The following NEMP2 variants were observed in gnomAD, a reference collection of about 807,000 sequenced individuals.
NEMP2 encodes nuclear envelope integral membrane protein 2.
Under a neutral mutation model 54.2 loss-of-function variants are expected in NEMP2, and 53 were observed. The ratio of observed to expected loss-of-function variants is 0.98; its 90% CI spans 0.78 to 1.23. The LOEUF is 1.23. NEMP2 is among the 50% of genes most tolerant of loss of function. The probability of loss-of-function intolerance (pLI) is 0.00; values close to 1 mark genes in which losing one functional copy is unlikely to be tolerated. For missense variants in NEMP2, 455 were observed against 511.3 expected (o/e 0.89, Z 1.06); for synonymous variants, 197 against 190.3 (o/e 1.04, Z -0.29).
the NEMP2 span, chr2:190,624,994 T>C: frequency 1.3e-5 from 2 of 152,220 alleles, no homozygotes; most frequent in Non-Finnish European, 2.9e-5. Flanking sequence ...TGAATCCTCA[T>C]TTATCGTTGG....
chr2:190,535,656 T>G (rs769567495), upstream of NEMP2, among the ~76,000 whole-genome samples: 1 of 152,168 alleles, frequency 6.6e-6, no homozygotes, highest in Non-Finnish European at 1.5e-5. Flanking sequence ...AAAGTCTGAG[T>G]AGGATGGACT....
In NEMP2 at chr2:190,510,561, G is replaced by C; in HGVS notation, c.954-24C>G. ...TCCTAAAACATGGCATGTGGTTGCA[G>C]GATTACTTCCTAATTCAATCCTTAA... On this transcript the variant is annotated intron_variant, in intron 7 of 8. Transcript: ENST00000409150. This position sits in a 1 kb window ranked among gnomAD's most constrained non-coding sequence, Gnocchi z 5.7. The C allele has an allele frequency of 6.4e-7, 1 of 1,551,008 alleles. No homozygotes were observed. Among genetic ancestry groups the C allele is most frequent in the Non-Finnish European group, 8.7e-7 (1 of 1,146,482 alleles).
chr2:190,626,289 G>C, the NEMP2 span: 16 of 152,206 alleles, frequency 1.1e-4, no homozygotes, highest in African/African-American at 3.9e-4. The surrounding 1 kb of genome is among the most constrained non-coding windows in gnomAD (Gnocchi z 4.5). Flanking sequence ...CCATAGTAGT[G>C]ACATAGAAGC....
chr2:190,553,007 A>G, the NEMP2 span, among the ~76,000 whole-genome samples: 1 of 152,220 alleles, frequency 6.6e-6, no homozygotes, highest in African/African-American at 2.4e-5. Flanking sequence ...AAACTTTGGT[A>G]CAAAGCAGTT....
chr2:190,495,730 ACATAAAGGGGGAAAGGATACTCTATT>A, the NEMP2 span, among the ~76,000 whole-genome samples: 1 of 152,126 alleles, frequency 6.6e-6, no homozygotes, highest in South Asian at 2.1e-4. This position sits in a 1 kb window ranked among gnomAD's most constrained non-coding sequence, Gnocchi z 4.7. Context: ...GCAAACAGAA[ACATAAAGGGGGAAAGGATACTCTATT>A]CAACAAATGG....
At chr2:190,626,146 A>G in the NEMP2 span, 1 of 152,154 alleles carries the variant, frequency 6.6e-6, no homozygotes, top group Non-Finnish European at 1.5e-5. The surrounding 1 kb of genome is among the most constrained non-coding windows in gnomAD (Gnocchi z 4.5). Flanking sequence ...TCTCTTTTAT[A>G]AGGGCACTAA....
At chr2:190,445,229 C>T in the NEMP2 span, among the ~76,000 whole-genome samples, 1 of 152,180 alleles carries the variant, frequency 6.6e-6, no homozygotes, top group East Asian at 1.9e-4. Flanking sequence ...GCAAAGCACT[C>T]AGAATGGAGT....
chr2:190,636,963 G>A, the NEMP2 span, among the ~76,000 whole-genome samples: 578 of 152,206 alleles, frequency 3.8e-3, 3 homozygotes, highest in African/African-American at 0.013. Context: ...CTCCCCAAAA[G>A]GGCTAGCAGT....
At chr2:190,566,488 C>G in the NEMP2 span, among the ~76,000 whole-genome samples, 1 of 151,914 alleles carries the variant, frequency 6.6e-6, no homozygotes, top group East Asian at 1.9e-4. Flanking sequence ...GGTGTGGTGG[C>G]TGAGGTGTGA....
At chr2:190,446,538 G>T in the NEMP2 span, among the ~76,000 whole-genome samples, 1 of 152,180 alleles carries the variant, frequency 6.6e-6, no homozygotes, top group African/African-American at 2.4e-5. Context: ...ACTGGGATCT[G>T]AGTTGGAAAA....
chr2:190,611,253 A>G, the NEMP2 span, among the ~76,000 whole-genome samples: 2 of 152,204 alleles, frequency 1.3e-5, no homozygotes, highest in East Asian at 3.9e-4. The surrounding 1 kb of genome is among the most constrained non-coding windows in gnomAD (Gnocchi z 5.4). Flanking sequence ...AACACATACA[A>G]ATAACATACT....
chr2:190,509,100 T>A lies in NEMP2; in HGVS notation c.*89A>T. The A allele has an allele frequency of 6.7e-7, 1 of 1,495,402 alleles. No homozygotes were observed. Among genetic ancestry groups the A allele is most frequent in the Non-Finnish European group, 8.9e-7 (1 of 1,118,124 alleles). The allele number at this position is 1,495,402 out of a possible 1,614,324, so 92.6% of individuals were successfully genotyped here. A position where few individuals can be genotyped will look rare whatever the true frequency, so the allele number is the denominator to read the frequency against. ...CCACAGCAAATGTTTTTGCCACCGT[T>A]CACTAGAACAGTTCTGCCTAACTTT... On this transcript the variant is annotated 3_prime_UTR_variant, in exon 9 of 9. Coordinates refer to ENST00000409150, the MANE Select transcript of NEMP2 (RefSeq NM_001142645.2). The surrounding 1 kb of genome is among the most constrained non-coding windows in gnomAD (Gnocchi z 6.1).
At chr2:190,561,131 G>T in the NEMP2 span, among the ~76,000 whole-genome samples, 13 of 152,264 alleles carry the variant, frequency 8.5e-5, no homozygotes, top group African/African-American at 3.1e-4. The surrounding 1 kb of genome is among the most constrained non-coding windows in gnomAD (Gnocchi z 5.4). Context: ...GCTTGATGCT[G>T]TCTGCTCCCA....
chr2:190,594,739 C>T, the NEMP2 span, among the ~76,000 whole-genome samples: 47 of 152,230 alleles, frequency 3.1e-4, no homozygotes, highest in African/African-American at 9.4e-4. This position sits in a 1 kb window ranked among gnomAD's most constrained non-coding sequence, Gnocchi z 5.6. Context: ...GGCTAATAAA[C>T]GTTTATTGAA....
the NEMP2 span, chr2:190,488,633 C>G: frequency 7.0e-7 from 1 of 1,423,448 alleles, no homozygotes; most frequent in Non-Finnish European, 9.3e-7. This position sits in a 1 kb window ranked among gnomAD's most constrained non-coding sequence, Gnocchi z 6.4. Context: ...CCAACTAATC[C>G]CTCCTGCTCT....
At chr2:190,496,658 ATG>A in the NEMP2 span, among the ~76,000 whole-genome samples, 3 of 151,794 alleles carry the variant, frequency 2.0e-5, no homozygotes, top group Non-Finnish European at 2.9e-5. This position sits in a 1 kb window ranked among gnomAD's most constrained non-coding sequence, Gnocchi z 4.7. Context: ...ATATGTGTAT[ATG>A]TGTGTGTATG....
chr2:190,424,613 C>A, the NEMP2 span, among the ~76,000 whole-genome samples: 1 of 152,108 alleles, frequency 6.6e-6, no homozygotes, highest in South Asian at 2.1e-4. This position sits in a 1 kb window ranked among gnomAD's most constrained non-coding sequence, Gnocchi z 5.9. Context: ...GGATTACAGG[C>A]GTGAGCCACT....
chr2:190,558,976 C>T, the NEMP2 span, among the ~76,000 whole-genome samples: 1 of 152,092 alleles, frequency 6.6e-6, no homozygotes, highest in Non-Finnish European at 1.5e-5. This position sits in a 1 kb window ranked among gnomAD's most constrained non-coding sequence, Gnocchi z 4.4. Context: ...TAATCTATTT[C>T]ATCTAGAAAA....
At chr2:190,640,771 A>T in the NEMP2 span, among the ~76,000 whole-genome samples, 4 of 140,206 alleles carry the variant, frequency 2.9e-5, no homozygotes, top group Admixed American at 1.4e-4. Context: ...CCAACTCATC[A>T]ATATTAACAC....
Sources: allele counts gnomAD v4.1 joint callset (sites outside exome capture counted in the v4.1 genomes callset), GRCh38; gene constraint gnomAD v4.1.1; non-coding constraint Gnocchi (gnomAD v3.1); transcripts MANE v1.5; gene names NCBI Gene and HGNC (gene_info 2026-07-23, HGNC 2026-07-21).